WASHC2A: variants seen among roughly 807,000 people sequenced by gnomAD.
WASHC2A encodes the protein WASH complex subunit FAM21A.
WASHC2A carries 82 observed loss-of-function variants against 140.3 expected under a neutral mutation model. That is an observed-to-expected ratio of 0.58 (90% confidence interval 0.49 to 0.70). WASHC2A has a LOEUF of 0.70. Among genes scored for constraint, WASHC2A ranks in the 30% least tolerant of loss-of-function variants. The probability of loss-of-function intolerance (pLI) is 0.00; values close to 1 mark genes in which losing one functional copy is unlikely to be tolerated. For synonymous variants in WASHC2A, 340 were observed against 560.8 expected (o/e 0.61, Z 5.56); for missense variants, 985 against 1,521.8 (o/e 0.65, Z 5.87).
At chr10:50,109,336 A>G (rs1842065423) in intron 19 of WASHC2A, among the ~76,000 whole-genome samples, 1 of 152,198 alleles carries the variant, frequency 6.6e-6, no homozygotes, top group African/African-American at 2.4e-5. Flanking sequence ...GCAGTTTTTC[A>G]TTGTGTCTTG....
At chr10:50,128,633 T>G (rs1291205380) in intron 28 of WASHC2A, among the ~76,000 whole-genome samples, 6 of 152,276 alleles carry the variant, frequency 3.9e-5, no homozygotes, top group African/African-American at 1.2e-4. Context: ...AAAACCGCCT[T>G]CCTTTTAAAG....
At chr10:50,069,122 A>C (rs1837561226) in intron 2 of WASHC2A, among the ~76,000 whole-genome samples, 1 of 151,894 alleles carries the variant, frequency 6.6e-6, no homozygotes. Flanking sequence ...ACTTGGTTTT[A>C]GTACTTGTCA....
intron 20 of WASHC2A, among the ~76,000 whole-genome samples, chr10:50,113,623 C>T (rs1349233250): frequency 2.0e-5 from 3 of 147,474 alleles, no homozygotes; most frequent in South Asian, 2.2e-4. Flanking sequence ...TGCCTTGCAG[C>T]GGTAACAGCT....
At position 50,127,522 on chromosome 10, in the gene WASHC2A, A is replaced by C. The variant is rs1589286152; in HGVS notation, c.2875-61A>C. On this transcript the variant is annotated intron_variant, in intron 27 of 30. Transcript: ENST00000282633. ...TGCACCGAATCTTGTCATGTGTCACAATAAAGATAATAGACTGCTGTGTTG... is the reference window on the plus strand; with the variant it reads ...TGCACCGAATCTTGTCATGTGTCACCATAAAGATAATAGACTGCTGTGTTG... 3.7e-6 allele frequency: 6 copies of C among 1,611,444 alleles called. No individual in the cohort carries two copies. In the East Asian group the frequency reaches 1.3e-4, roughly 36 times the overall value.
chr10:50,094,885 A>G (rs1840316100), intron 13 of WASHC2A, among the ~76,000 whole-genome samples: 1 of 151,128 alleles, frequency 6.6e-6, no homozygotes, highest in Non-Finnish European at 1.5e-5. Context: ...GGTGTCCCCC[A>G]GCTGACCCAC....
intron 28 of WASHC2A, among the ~76,000 whole-genome samples, chr10:50,128,571 C>T (rs879029455): frequency 3.3e-5 from 5 of 152,196 alleles, no homozygotes; most frequent in South Asian, 2.1e-4. Flanking sequence ...TGACCTACCC[C>T]GGCAAATAGA....
At chr10:50,108,856 C>T (rs1440002841) in intron 19 of WASHC2A, among the ~76,000 whole-genome samples, 6 of 109,896 alleles carry the variant, frequency 5.5e-5, no homozygotes, top group Non-Finnish European at 1.1e-4. Flanking sequence ...CACTCCAGCC[C>T]GGGCCACAGA....
chr10:50,079,056 G>C (rs1838646094), intron 4 of WASHC2A, among the ~76,000 whole-genome samples: 1 of 150,374 alleles, frequency 6.7e-6, no homozygotes. Context: ...CTGAGTTACA[G>C]ATGGACCAGC....
At position 50,123,333 on chromosome 10, in the gene WASHC2A, A is replaced by T. The variant is rs1239156349; in HGVS notation, c.2479-1780A>T. On this transcript the variant is annotated intron_variant, in intron 23 of 30. Transcript: ENST00000282633. ...CAGCATTATTCGTAATAGCCAAAAGATGGAAACAATGGCTAAACATAATAT... is the reference window on the plus strand; with the variant it reads ...CAGCATTATTCGTAATAGCCAAAAGTTGGAAACAATGGCTAAACATAATAT... Among the ~76,000 whole-genome samples, 5 of 130,812 alleles carry T rather than the reference A, an allele frequency of 3.8e-5. 2 individuals are homozygous for T. The highest frequency in any genetic ancestry group is 8.5e-5 in the Non-Finnish European group (5 of 58,724). 85.8% of individuals were successfully genotyped at this position (130,812 alleles called of 152,430 possible). A position where few individuals can be genotyped will look rare whatever the true frequency, so the allele number is the denominator to read the frequency against.
intron 17 of WASHC2A, among the ~76,000 whole-genome samples, chr10:50,101,720 C>T (rs1841200005): frequency 9.2e-5 from 14 of 152,200 alleles, no homozygotes. Context: ...GTTCATAACA[C>T]CCATAGTTTT....
At chr10:50,132,269 A>G (rs1844040450) in intron 30 of WASHC2A, among the ~76,000 whole-genome samples, 2 of 152,380 alleles carry the variant, frequency 1.3e-5, no homozygotes, top group South Asian at 2.1e-4. Context: ...AAACCCTAGC[A>G]GTAACATTAC....
intron 18 of WASHC2A, among the ~76,000 whole-genome samples, chr10:50,105,388 T>A (rs1340844207): frequency 3.2e-5 from 4 of 125,108 alleles, no homozygotes; most frequent in Non-Finnish European, 5.1e-5. Context: ...TTCCTTAAGC[T>A]TATGTGGCTT....
rs1358337431 is a variant in WASHC2A at position 50,113,237 on chromosome 10, C to T, written c.2040-658C>T. 1.8e-4 allele frequency among the ~76,000 whole-genome samples: 27 copies of T among 152,004 alleles called. 1 individual carries two copies. Among genetic ancestry groups the T allele is most frequent in the Non-Finnish European group, 3.7e-4 (25 of 67,988 alleles). On this transcript the variant is annotated intron_variant, in intron 20 of 30. Transcript: ENST00000282633. ...TAAAAAAATTAGCCAGGCATGGTGACGTGTGCCTGTAGTTGTAGCTACTTG... is the reference window on the plus strand; with the variant it reads ...TAAAAAAATTAGCCAGGCATGGTGATGTGTGCCTGTAGTTGTAGCTACTTG...
rs1194085470 is a variant in WASHC2A, at chr10:50,129,510, G to A, written c.3179G>A (p.Ser1060Asn). Residue 1060 changes from serine to asparagine, a missense_variant, in exon 29 of 31, where the codon AGC (serine) becomes AAC (asparagine). Transcript: ENST00000282633. The stretch of plus-strand genomic sequence containing the variant: ...GAGTCCAGCGAGACTGAGGACATGA[G>A]CGTCCCCAGAGGACCCATTGCACAG... ...AQESSETEDM[S>N]VPRGPIAQWA... The A allele has an allele frequency of 6.2e-7, 1 of 1,611,908 alleles. No individual in the cohort carries two copies. The highest frequency in any genetic ancestry group is 2.2e-5 in the East Asian group (1 of 44,880).
At chr10:50,084,781 G>C (rs1222452438) in intron 6 of WASHC2A, among the ~76,000 whole-genome samples, 1 of 148,606 alleles carries the variant, frequency 6.7e-6, no homozygotes, top group Non-Finnish European at 1.5e-5. Flanking sequence ...GGTCACCCAG[G>C]CTGGAATGCA....
At chr10:50,072,157 C>T (rs367807267) in intron 3 of WASHC2A, among the ~76,000 whole-genome samples, 17,772 of 145,222 alleles carry the variant, frequency 0.12, 1,249 homozygotes, top group Middle Eastern at 0.22. Flanking sequence ...AGCGATCTGC[C>T]CATTGCAACC....
intron 13 of WASHC2A, among the ~76,000 whole-genome samples, chr10:50,094,678 T>C (rs1380410090): frequency 1.3e-5 from 2 of 151,788 alleles, no homozygotes; most frequent in Non-Finnish European, 2.9e-5. Flanking sequence ...CTTTCTGCTG[T>C]CCATGTTTTG....
At chr10:50,100,431 G>A (rs1478784272) in intron 17 of WASHC2A, among the ~76,000 whole-genome samples, 7 of 151,992 alleles carry the variant, frequency 4.6e-5, no homozygotes, top group East Asian at 1.9e-4. Flanking sequence ...GCAATGAACC[G>A]AGATCACACC....
chr10:50,095,294 A>T (rs1301940163), intron 14 of WASHC2A, 87 bp downstream of exon 14: 1 of 1,163,516 alleles, frequency 8.6e-7, no homozygotes, highest in Non-Finnish European at 1.2e-6. Flanking sequence ...GTCTGGCTGG[A>T]GATGAGGAAG....
Sources: gnomAD v4.1 joint callset for allele counts (sites outside exome capture counted in the v4.1 genomes callset) on GRCh38, gnomAD v4.1.1 for gene constraint, MANE v1.5 for transcripts, NCBI Gene and HGNC (gene_info 2026-07-23, HGNC 2026-07-21) for gene names.